Variants in UVRAG observed in about 807,000 individuals in gnomAD.
UVRAG encodes UV radiation resistance-associated gene protein.
A neutral mutation model predicts 78.0 loss-of-function variants in UVRAG; 19 were observed. The observed-to-expected ratio is 0.24, with a 90% CI of 0.17 to 0.36. The LOEUF is 0.36. Among genes scored for constraint, UVRAG ranks in the 10% least tolerant of loss-of-function variants. The pLI, the probability that UVRAG is intolerant of heterozygous loss-of-function variation, is 1.00. For synonymous variants in UVRAG, 323 were observed against 324.6 expected (o/e 1.00, Z 0.05); for missense variants, 740 against 853.8 (o/e 0.87, Z 1.66).
chr11:76,114,078 T>C (rs1443470535), intron 13 of UVRAG, among the ~76,000 whole-genome samples: 1 of 152,160 alleles, frequency 6.6e-6, no homozygotes, highest in Non-Finnish European at 1.5e-5. Flanking sequence ...GTAAGTTTTT[T>C]TTTTTCCTTG....
intron 12 of UVRAG, among the ~76,000 whole-genome samples, chr11:76,033,087 T>C (rs1175073033): frequency 6.6e-6 from 1 of 152,238 alleles, no homozygotes; most frequent in Non-Finnish European, 1.5e-5. Context: ...CACATGTAAC[T>C]ATCTAACAGA....
intron 8 of UVRAG, among the ~76,000 whole-genome samples, chr11:75,994,833 T>C (rs1949674401): frequency 6.6e-6 from 1 of 152,198 alleles, no homozygotes; most frequent in Non-Finnish European, 1.5e-5. Flanking sequence ...GCCTGTGAGG[T>C]GTTAGCTAGA....
chr11:76,100,779 A>T (rs548947264), intron 13 of UVRAG, among the ~76,000 whole-genome samples: 2 of 152,168 alleles, frequency 1.3e-5, no homozygotes, highest in South Asian at 2.1e-4. Flanking sequence ...CATCTGGTAG[A>T]ACCCAGTATC....
intron 2 of UVRAG, among the ~76,000 whole-genome samples, chr11:75,853,744 ATTTATTTATTTATTTG>A (rs200702398): frequency 0.017 from 2,496 of 150,746 alleles, 32 homozygotes; most frequent in Non-Finnish European, 0.024. Flanking sequence ...CATTGCATGG[ATTTATTTATTTATTTG>A]TTTATTTATT....
intron 14 of UVRAG, among the ~76,000 whole-genome samples, chr11:76,123,439 C>T (rs538748988): frequency 4.6e-5 from 7 of 152,228 alleles, no homozygotes; most frequent in Non-Finnish European, 8.8e-5. Flanking sequence ...GCACGTGGGT[C>T]GGGTGAGTAG....
chr11:75,821,131 T>A (rs1293890524), intron 1 of UVRAG, among the ~76,000 whole-genome samples: 2 of 152,170 alleles, frequency 1.3e-5, no homozygotes. Context: ...TCTGTCTCTA[T>A]GAACTTCACT....
chr11:75,888,946 G>T, intron 5 of UVRAG, 43 bp downstream of exon 5: 1 of 1,550,622 alleles, frequency 6.4e-7, no homozygotes, highest in Non-Finnish European at 8.9e-7. Context: ...TTTAGTGCAG[G>T]TGTGCCTTGC....
chr11:75,910,313 C>T (rs1002184670), intron 5 of UVRAG, among the ~76,000 whole-genome samples: 7 of 151,974 alleles, frequency 4.6e-5, no homozygotes, highest in African/African-American at 1.2e-4. Flanking sequence ...TTTTAATTCC[C>T]GCATTTTGTG....
intron 6 of UVRAG, among the ~76,000 whole-genome samples, chr11:75,920,868 G>A (rs1947966866): frequency 6.6e-6 from 1 of 152,152 alleles, no homozygotes; most frequent in African/African-American, 2.4e-5. Flanking sequence ...AATATTCTAT[G>A]CATACATTCC....
At chr11:76,059,454 G>A (rs1223583321) in intron 12 of UVRAG, among the ~76,000 whole-genome samples, 2 of 152,168 alleles carry the variant, frequency 1.3e-5, no homozygotes, top group Admixed American at 1.3e-4. Context: ...TAAGAGCTTG[G>A]ACCAATGATT....
At chr11:76,127,287 C>T (rs902871769) in intron 14 of UVRAG, among the ~76,000 whole-genome samples, 3 of 152,168 alleles carry the variant, frequency 2.0e-5, no homozygotes, top group Non-Finnish European at 4.4e-5. Flanking sequence ...GTACTACCTT[C>T]AGAGTTCAAA....
intron 1 of UVRAG, among the ~76,000 whole-genome samples, chr11:75,821,675 G>T (rs1945393105): frequency 6.6e-6 from 1 of 152,120 alleles, no homozygotes; most frequent in East Asian, 1.9e-4. Context: ...TCCGTGCCAG[G>T]ATCCTGTCTG....
At chr11:76,119,744 C>T (rs2134474574) in intron 14 of UVRAG, among the ~76,000 whole-genome samples, 1 of 152,334 alleles carries the variant, frequency 6.6e-6, no homozygotes. Context: ...TCCAAGCCAC[C>T]ACCTTTTCTT....
rs183074676 is a variant in UVRAG at position 76,141,908 on chromosome 11, G to A, written c.*495G>A. Reference sequence around the variant, plus strand: ...AGGTAGATGAAGAAGCAGCATAGTGGTCTCCTTACATCTAGGCCTAACTGT... The same window carrying A: ...AGGTAGATGAAGAAGCAGCATAGTGATCTCCTTACATCTAGGCCTAACTGT... On this transcript the variant is annotated 3_prime_UTR_variant, in exon 15 of 15. Coordinates refer to ENST00000356136, the MANE Select transcript of UVRAG (RefSeq NM_003369.4). The A allele has an allele frequency of 1.8e-5, 3 of 164,256 alleles. No homozygotes were observed. The highest frequency in any genetic ancestry group is 1.8e-4 in the Admixed American group (3 of 17,108). 10.2% of individuals were successfully genotyped at this position (164,256 alleles called of 1,614,324 possible). A position where few individuals can be genotyped will look rare whatever the true frequency, so the allele number is the denominator to read the frequency against.
At chr11:76,099,854 A>G (rs1489986943) in intron 13 of UVRAG, among the ~76,000 whole-genome samples, 1 of 152,026 alleles carries the variant, frequency 6.6e-6, no homozygotes, top group East Asian at 1.9e-4. Flanking sequence ...TTTGGTTTGC[A>G]TGGACTTTCT....
intron 5 of UVRAG, among the ~76,000 whole-genome samples, chr11:75,903,572 A>G (rs1389100843): frequency 1.3e-5 from 2 of 152,168 alleles, no homozygotes; most frequent in Non-Finnish European, 2.9e-5. Context: ...CTTCACTGCC[A>G]TTCAGCTTTT....
intron 11 of UVRAG, among the ~76,000 whole-genome samples, 157 bp downstream of exon 11, chr11:76,009,024 T>C (rs1246643926): frequency 3.3e-5 from 5 of 152,192 alleles, no homozygotes; most frequent in Non-Finnish European, 5.9e-5. Context: ...TGATGGGAGA[T>C]AGAATGTTAG....
chr11:75,900,797 T>G (rs1289805067), intron 5 of UVRAG, among the ~76,000 whole-genome samples: 5 of 152,232 alleles, frequency 3.3e-5, no homozygotes, highest in Non-Finnish European at 7.3e-5. Flanking sequence ...CTCTGTTGAT[T>G]TAAATTTAAA....
At chr11:75,827,035 C>G (rs1291607812) in intron 1 of UVRAG, among the ~76,000 whole-genome samples, 6 of 152,054 alleles carry the variant, frequency 3.9e-5, no homozygotes, top group Non-Finnish European at 7.4e-5. Context: ...AAGATGCAGT[C>G]AGACATTTTT....
Sources: allele counts gnomAD v4.1 joint callset (sites outside exome capture counted in the v4.1 genomes callset), GRCh38; gene constraint gnomAD v4.1.1; transcripts MANE v1.5; gene names NCBI Gene and HGNC (gene_info 2026-07-23, HGNC 2026-07-21).